The following ZNF763 variants were observed in gnomAD, a reference collection of about 807,000 sequenced individuals.
ZNF763 encodes the protein DNA-binding protein.
ZNF763 carries 33 observed loss-of-function variants against 38.0 expected under a neutral mutation model. The observed-to-expected ratio is 0.87, with a 90% CI of 0.66 to 1.16. The LOEUF is 1.16. ZNF763 is among the 50% of genes most tolerant of loss of function. The pLI is 0.00. For missense variants in ZNF763, 423 were observed against 469.1 expected (o/e 0.90, Z 0.91); for synonymous variants, 155 against 160.1 (o/e 0.97, Z 0.24).
chr19:11,977,592 C>T (rs755212621), intron 3 of ZNF763, among the ~76,000 whole-genome samples, 161 bp downstream of exon 3: 5 of 152,202 alleles, frequency 3.3e-5, no homozygotes, highest in Admixed American at 6.5e-5. Context: ...AGTCTGAGGG[C>T]TCACTCCTGT....
intron 1 of ZNF763, among the ~76,000 whole-genome samples, chr19:11,970,969 G>T (rs1973338860): frequency 6.6e-6 from 1 of 151,986 alleles, no homozygotes; most frequent in Admixed American, 6.6e-5. Context: ...AGATGCCCTG[G>T]TCTCACAATT....
chr19:11,979,266 G>C lies in ZNF763; in HGVS notation c.*157G>C. Reference sequence around the variant, plus strand: ...ATCATGAAAGGACTCACACTGGAGAGAAACCCTATGAGTGTAAGCAATGTG... The same window carrying C: ...ATCATGAAAGGACTCACACTGGAGACAAACCCTATGAGTGTAAGCAATGTG... On this transcript the variant is annotated 3_prime_UTR_variant, in exon 4 of 4. Transcript: ENST00000358987. 6.2e-7 allele frequency: 1 copy of C among 1,613,000 alleles called. No individual in the cohort carries two copies. The highest frequency in any genetic ancestry group is 8.5e-7 in the Non-Finnish European group (1 of 1,179,674).
rs982334649 is a variant in ZNF763, at chr19:11,979,757, C to T, written c.*648C>T. 5.8e-5 allele frequency: 92 copies of T among 1,581,434 alleles called. No individual in the cohort carries two copies. The highest frequency in any genetic ancestry group is 1.9e-4 in the Admixed American group (11 of 59,164). ...AGCCTTCAGATCTGCCCCACACCTTCGAATCCATGGTAGAACTCACACTGG... is the reference window on the plus strand; with the variant it reads ...AGCCTTCAGATCTGCCCCACACCTTTGAATCCATGGTAGAACTCACACTGG... On this transcript the variant is annotated 3_prime_UTR_variant, in exon 4 of 4. Coordinates refer to ENST00000358987, the MANE Select transcript of ZNF763 (RefSeq NM_001367172.2).
At chr19:11,977,732 C>T (rs1469915064) in intron 3 of ZNF763, among the ~76,000 whole-genome samples, 3 of 152,108 alleles carry the variant, frequency 2.0e-5, no homozygotes, top group Non-Finnish European at 4.4e-5. Context: ...TGGTATGCAT[C>T]GTAGTCCTAG....
intron 3 of ZNF763, among the ~76,000 whole-genome samples, chr19:11,977,900 T>G (rs1032851646): frequency 6.6e-6 from 1 of 152,116 alleles, no homozygotes; most frequent in Non-Finnish European, 1.5e-5. Flanking sequence ...TAAAATAGTT[T>G]ACATGGGAAT....
At position 11,979,944 on chromosome 19, in the gene ZNF763, A is replaced by G; in HGVS notation, c.*835A>G. The G allele has an allele frequency of 7.9e-7, 1 of 1,270,894 alleles. No homozygotes were observed. The highest frequency in any genetic ancestry group is 1.8e-5 in the Admixed American group (1 of 55,724). 78.7% of individuals were successfully genotyped at this position (1,270,894 alleles called of 1,614,324 possible). A position where few individuals can be genotyped will look rare whatever the true frequency, so the allele number is the denominator to read the frequency against. On this transcript the variant is annotated 3_prime_UTR_variant, in exon 4 of 4. Coordinates refer to ENST00000358987, the MANE Select transcript of ZNF763 (RefSeq NM_001367172.2). ...GGCTTTTATTCTGCCAAGTCATTTC[A>G]AATACCTGAAAAATCTTACACTGGA...
chr19:11,975,315 C>T lies in ZNF763; in HGVS notation c.4-1723C>T, dbSNP rs980055481. ...CGAACTCCCAACCTCAGATGATTTC[C>T]GCCCCACCCACACCCCCCAAAGTTC... is the stretch of plus-strand genomic sequence containing the variant. On this transcript the variant is annotated intron_variant, in intron 1 of 3. Coordinates refer to ENST00000358987, the MANE Select transcript of ZNF763 (RefSeq NM_001367172.2). 8.5e-5 allele frequency among the ~76,000 whole-genome samples: 13 copies of T among 152,134 alleles called. No homozygotes were observed. In the South Asian group the frequency reaches 1.9e-3, roughly 22 times the overall value.
intron 1 of ZNF763, among the ~76,000 whole-genome samples, chr19:11,975,301 C>T (rs971401666): frequency 2.0e-5 from 3 of 152,018 alleles, no homozygotes; most frequent in Admixed American, 2.0e-4. Context: ...GAACTCCCAA[C>T]CTCAGATGAT....
At chr19:11,969,031 A>C (rs1973296158) in intron 1 of ZNF763, among the ~76,000 whole-genome samples, 1 of 152,210 alleles carries the variant, frequency 6.6e-6, no homozygotes, top group Admixed American at 6.5e-5. Flanking sequence ...CATGTGACTC[A>C]ACCCCATGAT....
In ZNF763 at chr19:11,978,096, G is replaced by A. The variant is rs770758297; in HGVS notation, c.192-20G>A. On this transcript the variant is annotated intron_variant, in intron 3 of 3. Coordinates refer to ENST00000358987, the MANE Select transcript of ZNF763 (RefSeq NM_001367172.2). ...AAATTACTCATAAACCCTTCATAAT[G>A]TGCTTCTCACTTTTGACAGGAGTCT... is the stretch of plus-strand genomic sequence containing the variant. 5.6e-6 allele frequency: 9 copies of A among 1,604,166 alleles called. No homozygotes were observed. In the African/African-American group the frequency reaches 1.1e-4, roughly 19 times the overall value.
In ZNF763 at chr19:11,977,009, G is replaced by T. The variant is rs201335543; in HGVS notation, c.4-29G>T. On this transcript the variant is annotated intron_variant, in intron 1 of 3. Coordinates refer to ENST00000358987, the MANE Select transcript of ZNF763 (RefSeq NM_001367172.2). ...CCCCCACTGCTGTCACTCTCACCCA[G>T]CCTCCTCTACACATGTGAGATGTTT... 9.3e-6 allele frequency: 15 copies of T among 1,613,098 alleles called. No homozygotes were observed. In the African/African-American group the frequency reaches 1.3e-4, roughly 14 times the overall value.
In ZNF763 at chr19:11,979,052, ATTATC is replaced by A; in HGVS notation, c.1133_1137del (p.Ser378Ter). 1 of 1,614,140 alleles carries A rather than the reference ATTATC, an allele frequency of 6.2e-7. No individual in the cohort carries two copies. The highest frequency in any genetic ancestry group is 8.5e-7 in the Non-Finnish European group (1 of 1,180,008). On this transcript the variant is annotated frameshift_variant, in exon 4 of 4. Coordinates refer to ENST00000358987, the MANE Select transcript of ZNF763 (RefSeq NM_001367172.2). LOFTEE classifies it high-confidence loss of function. ...ATGAATGTAAGCAGTGTGGGAAAGC[ATTATC>A]TTATAAGTTTTCAAACACACCTAAG...
chr19:11,977,884 T>C (rs1218954082), intron 3 of ZNF763, among the ~76,000 whole-genome samples: 3 of 152,210 alleles, frequency 2.0e-5, no homozygotes, highest in Non-Finnish European at 2.9e-5. Context: ...GAGTATTTAG[T>C]ACTTGTAAAA....
At position 11,977,346 on chromosome 19, in the gene ZNF763, C is replaced by G. The variant is rs750838929; in HGVS notation, c.131-25C>G. On this transcript the variant is annotated intron_variant, in intron 2 of 3. Coordinates refer to ENST00000358987, the MANE Select transcript of ZNF763 (RefSeq NM_001367172.2). ...TTCACAGTTTTATATTGCTTCAGGACTACTTTTCTGTGTCTGTATTTTAGG... is the reference window on the plus strand; with the variant it reads ...TTCACAGTTTTATATTGCTTCAGGAGTACTTTTCTGTGTCTGTATTTTAGG... 7.4e-6 allele frequency: 12 copies of G among 1,612,710 alleles called. No individual in the cohort carries two copies. In the Admixed American group the frequency reaches 2.0e-4, roughly 27 times the overall value.
chr19:11,973,948 A>C (rs951925304), intron 1 of ZNF763, among the ~76,000 whole-genome samples: 10 of 152,166 alleles, frequency 6.6e-5, no homozygotes, highest in East Asian at 5.8e-4. Flanking sequence ...ATTCACATCC[A>C]TAGTGAAGGA....
intron 1 of ZNF763, among the ~76,000 whole-genome samples, chr19:11,975,432 C>T (rs1311049088): frequency 6.7e-6 from 1 of 148,180 alleles, no homozygotes; most frequent in East Asian, 2.0e-4. Context: ...GAGTCTTGCT[C>T]TGTCGCCCAG....
intron 1 of ZNF763, 48 bp from the exon 2 acceptor site, chr19:11,976,990 C>G (rs755381911): frequency 1.9e-6 from 3 of 1,611,038 alleles, no homozygotes; most frequent in South Asian, 2.2e-5. Context: ...TAGGCCCCCA[C>G]TGCTGTCACT....
At chr19:11,965,259 G>T (rs1973200428) in intron 1 of ZNF763, 48 bp downstream of exon 1, 1 of 1,611,938 alleles carries the variant, frequency 6.2e-7, no homozygotes, top group Non-Finnish European at 8.5e-7. Context: ...AGGCTGCCTG[G>T]AACCGGCCGG....
chr19:11,968,928 TACA>T (rs1437323752), intron 1 of ZNF763, among the ~76,000 whole-genome samples: 1 of 152,176 alleles, frequency 6.6e-6, no homozygotes, highest in Non-Finnish European at 1.5e-5. Context: ...TTCAGTCATT[TACA>T]ACATTTTACA....
Sources: allele counts gnomAD v4.1 joint callset (sites outside exome capture counted in the v4.1 genomes callset), GRCh38; gene constraint gnomAD v4.1.1; transcripts MANE v1.5; gene names NCBI Gene and HGNC (gene_info 2026-07-23, HGNC 2026-07-21).